Variants in FBXO38 observed in about 807,000 individuals in gnomAD.
FBXO38 encodes the protein F-box only protein 38.
Under a neutral mutation model 131.9 loss-of-function variants are expected in FBXO38, and 53 were observed. That is an observed-to-expected ratio of 0.40 (90% CI 0.32 to 0.51). FBXO38 has a LOEUF of 0.51. Among genes scored for constraint, FBXO38 ranks in the 20% least tolerant of loss-of-function variants. FBXO38 has a pLI of 0.53. For missense variants in FBXO38, 1,076 were observed against 1,475.6 expected (o/e 0.73, Z 4.44); for synonymous variants, 452 against 505.6 (o/e 0.89, Z 1.42).
At chr5:148,409,366 C>G in intron 8 of FBXO38, 149 bp downstream of exon 8, 1 of 627,572 alleles carries the variant, frequency 1.6e-6, no homozygotes. Flanking sequence ...GTCCAAATAA[C>G]AGATAAGTAT....
intron 17 of FBXO38, among the ~76,000 whole-genome samples, chr5:148,437,487 A>G (rs1581307249): frequency 1.3e-5 from 2 of 152,306 alleles, no homozygotes; most frequent in African/African-American, 4.8e-5. Flanking sequence ...CAAGACGATG[A>G]TGACATTTGG....
At chr5:148,395,950 A>T (rs1014687590) in intron 2 of FBXO38, among the ~76,000 whole-genome samples, 1 of 152,152 alleles carries the variant, frequency 6.6e-6, no homozygotes, top group Admixed American at 6.5e-5. Flanking sequence ...CCTATGAAAA[A>T]TTTCCATATA....
intron 12 of FBXO38, among the ~76,000 whole-genome samples, chr5:148,418,154 T>TTCGC (rs1753171999): frequency 6.6e-6 from 1 of 152,170 alleles, no homozygotes; most frequent in Non-Finnish European, 1.5e-5. Context: ...TGGAGGTCAT[T>TTCGC]TCGCCACTTT....
At chr5:148,396,473 A>G (rs1447730305) in intron 2 of FBXO38, among the ~76,000 whole-genome samples, 1 of 152,198 alleles carries the variant, frequency 6.6e-6, no homozygotes, top group Non-Finnish European at 1.5e-5. Context: ...ATTTGGAGAA[A>G]AAAATAAAAG....
At chr5:148,393,188 GGTGT>G (rs60593654) in intron 1 of FBXO38, among the ~76,000 whole-genome samples, 8,267 of 126,986 alleles carry the variant, frequency 0.065, 316 homozygotes, top group East Asian at 0.18. Context: ...ACAGAAGAGG[GGTGT>G]GTGTGTGTGT....
chr5:148,429,823 A>G (rs1753930518), intron 15 of FBXO38, among the ~76,000 whole-genome samples: 1 of 151,780 alleles, frequency 6.6e-6, no homozygotes, highest in Non-Finnish European at 1.5e-5. Flanking sequence ...TCCCTTAACT[A>G]TTTTATTCTT....
At position 148,441,254 on chromosome 5, in the gene FBXO38, T is replaced by G. The variant is rs1432562950; in HGVS notation, c.3388+17T>G. On this transcript the variant is annotated intron_variant, in intron 21 of 21. Coordinates refer to ENST00000340253, the MANE Select transcript of FBXO38 (RefSeq NM_205836.3). ...ATGAAGAAAGTAATTATGACCTGAC[T>G]TGACATCTATTCTCTAGTTTAAGTA... 6.4e-7 allele frequency: 1 copy of G among 1,559,826 alleles called. No individual in the cohort carries two copies. Among genetic ancestry groups the G allele is most frequent in the Non-Finnish European group, 8.8e-7 (1 of 1,131,004 alleles).
intron 15 of FBXO38, among the ~76,000 whole-genome samples, chr5:148,428,267 G>A (rs1482617335): frequency 6.6e-6 from 1 of 152,192 alleles, no homozygotes; most frequent in Non-Finnish European, 1.5e-5. Context: ...CACACACTTA[G>A]AGAAGTCTTA....
At chr5:148,438,759 T>C (rs997001068) in intron 18 of FBXO38, among the ~76,000 whole-genome samples, 2 of 152,214 alleles carry the variant, frequency 1.3e-5, no homozygotes, top group Non-Finnish European at 2.9e-5. Context: ...GTCTGACCTG[T>C]AGCAGATTAT....
chr5:148,441,611 A>G (rs781579358), intron 21 of FBXO38: 11 of 202,742 alleles, frequency 5.4e-5, no homozygotes, highest in Non-Finnish European at 5.8e-5. Context: ...ATTTAGGTGT[A>G]GAAATTAGGG....
intron 12 of FBXO38, among the ~76,000 whole-genome samples, chr5:148,421,526 A>G (rs1254042867): frequency 3.3e-5 from 5 of 152,202 alleles, no homozygotes; most frequent in Admixed American, 3.3e-4. Context: ...TTAAGAGGCA[A>G]TGAATTCTTT....
intron 13 of FBXO38, among the ~76,000 whole-genome samples, chr5:148,424,525 G>A (rs186007460): frequency 6.6e-5 from 10 of 152,312 alleles, no homozygotes; most frequent in African/African-American, 2.4e-4. Context: ...CCTAGCGTCT[G>A]TTTGCCATTG....
intron 2 of FBXO38, chr5:148,397,726 G>A (rs1447116169): frequency 6.6e-6 from 1 of 152,164 alleles, no homozygotes; most frequent in Non-Finnish European, 1.5e-5. Flanking sequence ...AAGAGTTAGT[G>A]TCAGACAAAA....
chr5:148,395,205 A>G (rs1371599991), intron 2 of FBXO38, among the ~76,000 whole-genome samples: 1 of 152,060 alleles, frequency 6.6e-6, no homozygotes, highest in African/African-American at 2.4e-5. Context: ...TGGGATTTTT[A>G]TTGGCTAATA....
chr5:148,442,386 C>A lies in FBXO38; in HGVS notation c.*239C>A, dbSNP rs1020925870. 9.9e-6 allele frequency: 3 copies of A among 302,870 alleles called. No individual in the cohort carries two copies. The highest frequency in any genetic ancestry group is 1.8e-5 in the Non-Finnish European group (3 of 167,290). The allele number at this position is 302,870 out of a possible 1,614,324, so 18.8% of individuals were successfully genotyped here. A position where few individuals can be genotyped will look rare whatever the true frequency, so the allele number is the denominator to read the frequency against. On this transcript the variant is annotated 3_prime_UTR_variant, in exon 22 of 22. Transcript: ENST00000340253. Reference sequence around the variant, plus strand: ...GTTTATACAATTTAATTTAAAAATTCATTTTAAGGAAGACAGATAATTTGA... The same window carrying A: ...GTTTATACAATTTAATTTAAAAATTAATTTTAAGGAAGACAGATAATTTGA...
chr5:148,427,636 C>A lies in FBXO38; in HGVS notation c.2342C>A (p.Pro781His). Residue 781 changes from proline to histidine, a missense_variant, in exon 15 of 22, where the codon CCC becomes CAC. By Grantham distance (77) the Pro-to-His change is moderately conservative. This residue lies in a region of FBXO38 where 213 missense variants were observed against 225.2 expected (regional missense o/e 0.95). Transcript: ENST00000340253. Reference sequence around the variant, plus strand: ...TGCCCCAGATGCTGCTGTCACAGGCCCCAGGAATCCCAAAGGAGAACTAGC... The same window carrying A: ...TGCCCCAGATGCTGCTGTCACAGGCACCAGGAATCCCAAAGGAGAACTAGC... The part of the protein sequence containing the change: ...SVCPRCCCHR[P>H]QESQRRTSRC... 1 of 1,614,144 alleles carries A rather than the reference C, an allele frequency of 6.2e-7. No homozygotes were observed. Among genetic ancestry groups the A allele is most frequent in the South Asian group, 1.1e-5 (1 of 91,086 alleles).
intron 12 of FBXO38, among the ~76,000 whole-genome samples, chr5:148,421,055 C>T (rs1753395305): frequency 6.6e-6 from 1 of 152,032 alleles, no homozygotes; most frequent in Non-Finnish European, 1.5e-5. Context: ...CAACCTCCGC[C>T]TCCTGGGTTC....
intron 12 of FBXO38, among the ~76,000 whole-genome samples, 162 bp downstream of exon 12, chr5:148,417,366 C>G (rs761489161): frequency 1.3e-5 from 2 of 152,124 alleles, no homozygotes; most frequent in Admixed American, 6.5e-5. Flanking sequence ...AAATTTTTCT[C>G]TTTTCTTGCT....
rs991645167 is a variant in FBXO38, at chr5:148,410,844, C to A, written c.1093+79C>A. ...AAACTGAAATCTGAATTGGGTTGTGCCATGTCTTTTTGAACATAAGACAAC... is the reference window on the plus strand; with the variant it reads ...AAACTGAAATCTGAATTGGGTTGTGACATGTCTTTTTGAACATAAGACAAC... On this transcript the variant is annotated intron_variant, in intron 9 of 21. Coordinates refer to ENST00000340253, the MANE Select transcript of FBXO38 (RefSeq NM_205836.3). 24 of 1,367,112 alleles carry A rather than the reference C, an allele frequency of 1.8e-5. No homozygotes were observed. In the Admixed American group the frequency reaches 2.4e-4, roughly 14 times the overall value. The allele number at this position is 1,367,112 out of a possible 1,614,324, so 84.7% of individuals were successfully genotyped here.
Sources: gnomAD v4.1 joint callset for allele counts (sites outside exome capture counted in the v4.1 genomes callset) on GRCh38, gnomAD v4.1.1 for gene constraint, gnomAD v4.1.1 regional missense constraint, MANE v1.5 for transcripts, NCBI Gene and HGNC (gene_info 2026-07-23, HGNC 2026-07-21) for gene names.